The following MAGI1 variants were observed in gnomAD, a reference collection of about 807,000 sequenced individuals.
MAGI1 encodes the protein membrane-associated guanylate kinase, WW and PDZ domain-containing protein 1.
MAGI1 carries 58 observed loss-of-function variants against 139.9 expected under a neutral mutation model. That is an observed-to-expected ratio of 0.41 (90% CI 0.34 to 0.52). The LOEUF (loss-of-function observed/expected upper bound fraction) is 0.52. Among genes scored for constraint, MAGI1 ranks in the 20% least tolerant of loss-of-function variants. The pLI is 0.12. For synonymous variants in MAGI1, 812 were observed against 737.9 expected (o/e 1.10, Z -1.63); for missense variants, 1,874 against 1,901.6 (o/e 0.99, Z 0.27).
At position 65,437,252 on chromosome 3, in the gene MAGI1, G is replaced by GA. The variant is rs772276867; in HGVS notation, c.1271-6dup. Reference sequence around the variant, plus strand: ...CTGAGTGATCTTCTGTCCATTCTATGAAAAAGAAAAGAAAGTTTCCTATTT... The same window carrying GA: ...CTGAGTGATCTTCTGTCCATTCTATGAAAAAAGAAAAGAAAGTTTCCTATTT... On this transcript the variant is annotated splice_polypyrimidine_tract_variant and splice_region_variant and intron_variant, in intron 9 of 22. Coordinates refer to ENST00000402939, the MANE Select transcript of MAGI1 (RefSeq NM_001033057.2). 5 of 1,589,678 alleles carry GA rather than the reference G, an allele frequency of 3.1e-6. No homozygotes were observed. In the Admixed American group the frequency reaches 8.5e-5, roughly 27 times the overall value.
intron 2 of MAGI1, among the ~76,000 whole-genome samples, chr3:65,578,204 T>C (rs535661023): frequency 6.6e-6 from 1 of 152,314 alleles, no homozygotes; most frequent in African/African-American, 2.4e-5. Flanking sequence ...CCATACCATG[T>C]TGCTTCCCAT....
chr3:65,926,611 G>A (rs1276303033), intron 1 of MAGI1, among the ~76,000 whole-genome samples: 2 of 152,178 alleles, frequency 1.3e-5, no homozygotes, highest in African/African-American at 2.4e-5. Context: ...AGATGGTGAT[G>A]AGAGTGACCT....
intron 1 of MAGI1, among the ~76,000 whole-genome samples, chr3:66,013,285 C>A (rs563964117): frequency 1.3e-5 from 2 of 152,034 alleles, no homozygotes; most frequent in East Asian, 3.9e-4. Flanking sequence ...TGCCTGTAAT[C>A]CCAGCTACTT....
intron 1 of MAGI1, among the ~76,000 whole-genome samples, chr3:65,934,265 T>C (rs1388821389): frequency 6.6e-6 from 1 of 151,888 alleles, no homozygotes; most frequent in Non-Finnish European, 1.5e-5. Flanking sequence ...TTTACCATTT[T>C]TTTTTTTTTA....
At chr3:65,377,009 G>T (rs1234061097) in intron 17 of MAGI1, among the ~76,000 whole-genome samples, 1 of 152,174 alleles carries the variant, frequency 6.6e-6, no homozygotes, top group Non-Finnish European at 1.5e-5. Flanking sequence ...CCTACTTTGA[G>T]AATTTGTCTT....
chr3:66,023,018 T>C (rs912944797), intron 1 of MAGI1, among the ~76,000 whole-genome samples: 1 of 152,164 alleles, frequency 6.6e-6, no homozygotes, highest in South Asian at 2.1e-4. Context: ...CATTTTATAG[T>C]AGCAGAAAGA....
At chr3:65,541,376 A>G (rs1259094426) in intron 2 of MAGI1, among the ~76,000 whole-genome samples, 1 of 152,226 alleles carries the variant, frequency 6.6e-6, no homozygotes, top group Non-Finnish European at 1.5e-5. Context: ...TTCTGAAACG[A>G]TTCCACACAA....
intron 1 of MAGI1, among the ~76,000 whole-genome samples, chr3:65,914,999 G>A (rs1396375788): frequency 6.6e-6 from 1 of 152,188 alleles, no homozygotes; most frequent in African/African-American, 2.4e-5. Context: ...AATGATAGTT[G>A]ATAATTTTTT....
chr3:65,748,203 A>G (rs2035857871), intron 1 of MAGI1, among the ~76,000 whole-genome samples: 1 of 152,190 alleles, frequency 6.6e-6, no homozygotes, highest in Admixed American at 6.5e-5. Context: ...TTTTATTCCT[A>G]AAGGAATTAA....
chr3:65,393,097 C>G (rs1304541954), intron 13 of MAGI1, among the ~76,000 whole-genome samples: 1 of 152,190 alleles, frequency 6.6e-6, no homozygotes, highest in Non-Finnish European at 1.5e-5. Context: ...GTGCTCAGCT[C>G]AGATTTGGTT....
intron 1 of MAGI1, among the ~76,000 whole-genome samples, chr3:65,665,588 A>T (rs906918683): frequency 6.6e-6 from 1 of 152,236 alleles, no homozygotes; most frequent in African/African-American, 2.4e-5. Flanking sequence ...CAGTTGATGA[A>T]AATGTGACCA....
intron 1 of MAGI1, among the ~76,000 whole-genome samples, chr3:65,734,485 A>AAGAG (rs2034509378): frequency 6.6e-6 from 1 of 151,052 alleles, no homozygotes; most frequent in African/African-American, 2.4e-5. Flanking sequence ...AAAGAAGAGA[A>AAGAG]AGAAAGAGAG....
rs749444314 is a variant in MAGI1 at position 66,038,254 on chromosome 3, T to G, written c.55A>C (p.Thr19Pro). The change falls in exon 1 of 23, where the codon ACC becomes CCC. Residue 19 changes from threonine (T) to proline (P), a missense_variant. Transcript: ENST00000402939. ...NHWTSRVHECTVKRGPQGELG... is the reference protein window; with the variant it reads ...NHWTSRVHECPVKRGPQGELG... ...TCGCCCTGGGGTCCCCGCTTCACGG[T>G]GCATTCGTGAACCCTGCTAGTCCAG... The G allele has an allele frequency of 6.2e-7, 1 of 1,610,668 alleles. No individual in the cohort carries two copies. The highest frequency in any genetic ancestry group is 8.5e-7 in the Non-Finnish European group (1 of 1,178,890).
intron 18 of MAGI1, among the ~76,000 whole-genome samples, chr3:65,368,390 A>G (rs1335038070): frequency 6.6e-6 from 1 of 152,218 alleles, no homozygotes; most frequent in Admixed American, 6.5e-5. Flanking sequence ...CTACACTTTC[A>G]ATAGCAGTCA....
intron 2 of MAGI1, chr3:65,549,624 T>C (rs1225883250): frequency 7.2e-6 from 2 of 277,126 alleles, no homozygotes; most frequent in Non-Finnish European, 1.1e-5. Flanking sequence ...GGGCTGCGGC[T>C]GGTACCCCTC....
chr3:65,900,287 AC>A (rs1324510346), intron 1 of MAGI1, among the ~76,000 whole-genome samples: 1 of 152,232 alleles, frequency 6.6e-6, no homozygotes, highest in Non-Finnish European at 1.5e-5. Flanking sequence ...GGTAAAAGTC[AC>A]AACATCACTA....
intron 1 of MAGI1, among the ~76,000 whole-genome samples, chr3:65,900,115 C>T (rs1162975689): frequency 6.6e-6 from 1 of 151,928 alleles, no homozygotes; most frequent in Non-Finnish European, 1.5e-5. Context: ...GAGCTTTCTA[C>T]ACTAATGGAT....
rs147668161 is a variant in MAGI1, at chr3:65,371,400, A to C, written c.3196+4345T>G. On this transcript the variant is annotated intron_variant, in intron 18 of 22. Transcript: ENST00000402939. ...ATGGCATTATGTTTAAAAACACTAC[A>C]TACCTTAATTTTAAAATACTTTATT... Among the ~76,000 whole-genome samples, 645 of 152,342 alleles carry C rather than the reference A, an allele frequency of 4.2e-3. 7 individuals carry two copies. Among genetic ancestry groups the C allele is most frequent in the African/African-American group, 0.015 (618 of 41,570 alleles).
At chr3:65,375,172 A>G (rs891464186) in intron 18 of MAGI1, among the ~76,000 whole-genome samples, 1 of 151,684 alleles carries the variant, frequency 6.6e-6, no homozygotes, top group African/African-American at 2.4e-5. Context: ...GGAAAGGGTG[A>G]AGATTTTTCT....
Sources: gnomAD v4.1 joint callset for allele counts (sites outside exome capture counted in the v4.1 genomes callset) on GRCh38, gnomAD v4.1.1 for gene constraint, MANE v1.5 for transcripts, NCBI Gene and HGNC (gene_info 2026-07-23, HGNC 2026-07-21) for gene names.